NPAS2: variants seen among roughly 807,000 people sequenced by gnomAD.
NPAS2 encodes neuronal PAS domain-containing protein 2.
In NPAS2, 23 loss-of-function variants were observed where a neutral mutation model predicts 107.5. The observed-to-expected ratio is 0.21, with a 90% CI of 0.15 to 0.30. The LOEUF is 0.30. NPAS2 is among the 10% of genes least tolerant of loss of function. The probability of loss-of-function intolerance (pLI) is 1.00; values close to 1 mark genes in which losing one functional copy is unlikely to be tolerated. For synonymous variants in NPAS2, 403 were observed against 417.5 expected (o/e 0.97, Z 0.42); for missense variants, 756 against 1,043.3 (o/e 0.72, Z 3.79).
At chr2:100,954,117 G>C (rs1364864959) in intron 7 of NPAS2, among the ~76,000 whole-genome samples, 1 of 152,202 alleles carries the variant, frequency 6.6e-6, no homozygotes, top group African/African-American at 2.4e-5. Flanking sequence ...AATAAGTGTA[G>C]TGGGATCTGG....
intron 1 of NPAS2, among the ~76,000 whole-genome samples, chr2:100,873,201 A>C (rs918381112): frequency 7.0e-6 from 1 of 142,376 alleles, no homozygotes; most frequent in Non-Finnish European, 1.5e-5. Context: ...GCAGCGAGCC[A>C]AGACTGTGCC....
At chr2:100,878,324 G>GCT (rs1359867839) in intron 1 of NPAS2, 1 of 985,348 alleles carries the variant, frequency 1.0e-6, no homozygotes, top group East Asian at 1.1e-4. Flanking sequence ...CTAAGCAAGG[G>GCT]CTCTGCAGGC....
chr2:100,841,833 CAT>C (rs1377039852), intron 1 of NPAS2, among the ~76,000 whole-genome samples: 4 of 152,164 alleles, frequency 2.6e-5, no homozygotes, highest in Non-Finnish European at 5.9e-5. Flanking sequence ...AAGACACATA[CAT>C]ATGCACATAC....
chr2:100,915,873 A>T (rs1455982692), intron 2 of NPAS2, among the ~76,000 whole-genome samples: 1 of 152,200 alleles, frequency 6.6e-6, no homozygotes, highest in East Asian at 1.9e-4. Flanking sequence ...AATGGTAAAT[A>T]TTTGACAAAA....
At chr2:100,882,014 G>T (rs1366759599) in intron 1 of NPAS2, among the ~76,000 whole-genome samples, 3 of 152,248 alleles carry the variant, frequency 2.0e-5, no homozygotes, top group Non-Finnish European at 4.4e-5. Flanking sequence ...GAGACCCCGT[G>T]CCTCAGCTTG....
chr2:100,820,914 C>T lies in NPAS2; in HGVS notation c.-23+500C>T, dbSNP rs1676031505. 1.6e-6 allele frequency: 1 copy of T among 620,298 alleles called. No homozygotes were observed. The allele number at this position is 620,298 out of a possible 1,614,324, so 38.4% of individuals were successfully genotyped here. On this transcript the variant is annotated intron_variant, in intron 1 of 20. Transcript: ENST00000335681. This position sits in a 1 kb window ranked among gnomAD's most constrained non-coding sequence, Gnocchi z 5.6. Reference sequence around the variant, plus strand: ...CCCTGGGTCGGAATTGGTTCCGGGCCGGATTGGGTGCGGAATCGGTGCCCC... The same window carrying T: ...CCCTGGGTCGGAATTGGTTCCGGGCTGGATTGGGTGCGGAATCGGTGCCCC...
At chr2:100,876,899 C>G (rs1028303269) in intron 1 of NPAS2, among the ~76,000 whole-genome samples, 2 of 152,198 alleles carry the variant, frequency 1.3e-5, no homozygotes, top group Admixed American at 6.5e-5. Flanking sequence ...ACAAGAGCTG[C>G]AGCCACCAGG....
chr2:100,995,566 A>C lies in NPAS2; in HGVS notation c.2459A>C (p.Gln820Pro). The C allele has an allele frequency of 6.2e-7, 1 of 1,606,666 alleles. No individual in the cohort carries two copies. The highest frequency in any genetic ancestry group is 8.5e-7 in the Non-Finnish European group (1 of 1,176,126). ...VSSLSESSGL[Q>P]QPPR ...AGTCTGTCTGAGTCGTCAGGCCTCC[A>C]GCAGCCGCCCCGATAATGCCCCGGC... Residue 820 changes from glutamine to proline, a missense_variant, in exon 21 of 21, where the codon CAG becomes CCG. Physicochemically the swap from Gln to Pro is moderately conservative, Grantham distance 76. Transcript: ENST00000335681.
At chr2:100,842,163 A>G (rs143148684) in intron 1 of NPAS2, among the ~76,000 whole-genome samples, 26 of 152,252 alleles carry the variant, frequency 1.7e-4, no homozygotes, top group African/African-American at 3.6e-4. Context: ...AGGTATTTAC[A>G]TGTCCAAAGG....
chr2:100,875,563 C>T (rs567501546), intron 1 of NPAS2, among the ~76,000 whole-genome samples: 48 of 152,220 alleles, frequency 3.2e-4, no homozygotes, highest in African/African-American at 1.1e-3. Flanking sequence ...ATGAGACAGT[C>T]GCTTTCCTTA....
chr2:100,934,864 A>T, intron 4 of NPAS2: 1 of 985,316 alleles, frequency 1.0e-6, no homozygotes, highest in Non-Finnish European at 1.2e-6. Flanking sequence ...TTTCAGAGCC[A>T]TTTCAGAGAC....
At chr2:100,834,723 ACT>A (rs1429759341) in intron 1 of NPAS2, among the ~76,000 whole-genome samples, 5 of 149,970 alleles carry the variant, frequency 3.3e-5, no homozygotes, top group Non-Finnish European at 5.9e-5. Context: ...ATGGAGTCTC[ACT>A]CTGTTGCCCA....
intron 1 of NPAS2, among the ~76,000 whole-genome samples, chr2:100,836,260 G>A (rs758881814): frequency 5.3e-5 from 8 of 152,046 alleles, no homozygotes; most frequent in Non-Finnish European, 1.2e-4. Flanking sequence ...TTGCCCTAGC[G>A]ACCTCACTTC....
In NPAS2 at chr2:100,874,667, G is replaced by A. The variant is rs763293166; in HGVS notation, c.-22-30066G>A. On this transcript the variant is annotated intron_variant, in intron 1 of 20. Coordinates refer to ENST00000335681, the MANE Select transcript of NPAS2 (RefSeq NM_002518.4). ...TGGGGCAGGAGAACCACTTGAACCC[G>A]GGAGGCGGAGGTTGCAGTGAGCTGA... 1.1e-4 allele frequency among the ~76,000 whole-genome samples: 17 copies of A among 152,144 alleles called. 1 individual carries two copies. The highest frequency in any genetic ancestry group is 4.6e-4 in the Admixed American group (7 of 15,290).
At position 100,820,868 on chromosome 2, in the gene NPAS2, G is replaced by A. The variant is rs1676029404; in HGVS notation, c.-23+454G>A. Among the ~76,000 whole-genome samples, 1 of 152,200 alleles carries A rather than the reference G, an allele frequency of 6.6e-6. No homozygotes were observed. The highest frequency in any genetic ancestry group is 1.5e-5 in the Non-Finnish European group (1 of 68,030). On this transcript the variant is annotated intron_variant, in intron 1 of 20. Transcript: ENST00000335681. This position sits in a 1 kb window ranked among gnomAD's most constrained non-coding sequence, Gnocchi z 5.6. Reference sequence around the variant, plus strand: ...CCGGAGAGTGCGGCGTGCGCGCCCTGGGCCCGCGGTCTCTCGGAGTCCCTG... The same window carrying A: ...CCGGAGAGTGCGGCGTGCGCGCCCTAGGCCCGCGGTCTCTCGGAGTCCCTG...
At chr2:100,881,057 C>T (rs1277558762) in intron 1 of NPAS2, among the ~76,000 whole-genome samples, 3 of 152,214 alleles carry the variant, frequency 2.0e-5, no homozygotes, top group African/African-American at 7.2e-5. Flanking sequence ...AAGAAAGCCA[C>T]ACTTGGGCCC....
intron 2 of NPAS2, among the ~76,000 whole-genome samples, chr2:100,921,428 G>C (rs1683218006): frequency 6.6e-6 from 1 of 152,192 alleles, no homozygotes; most frequent in South Asian, 2.1e-4. Flanking sequence ...GATGCCCGAT[G>C]ATGGACGCTT....
chr2:100,958,274 G>C (rs968648601), intron 7 of NPAS2, among the ~76,000 whole-genome samples: 2 of 152,194 alleles, frequency 1.3e-5, no homozygotes, highest in Non-Finnish European at 2.9e-5. Context: ...ACTCGATTTT[G>C]TATGTTCCGT....
Position 100,995,493 on chromosome 2 carries a change from C to A in NPAS2, c.2386C>A (p.Pro796Thr). 2 of 1,613,252 alleles carry A rather than the reference C, an allele frequency of 1.2e-6. No homozygotes were observed. The highest frequency in any genetic ancestry group is 1.7e-6 in the Non-Finnish European group (2 of 1,179,444). ...QQPGTLGYPQ[P>T]PPAQPQPLRP... is the part of the protein sequence containing the mutation. ...GCCAGGGACCCTGGGCTACCCCCAACCACCCCCAGCACAGCCCCAGCCCCT... is the reference window on the plus strand; with the variant it reads ...GCCAGGGACCCTGGGCTACCCCCAAACACCCCCAGCACAGCCCCAGCCCCT... Residue 796 changes from proline (P) to threonine (T), a missense_variant, in exon 21 of 21, where the codon CCA (proline) becomes ACA (threonine). This residue lies in a region of NPAS2 where 496 missense variants were observed against 594.4 expected (regional missense o/e 0.83). Coordinates refer to ENST00000335681, the MANE Select transcript of NPAS2 (RefSeq NM_002518.4).
Sources: gnomAD v4.1 joint callset for allele counts (sites outside exome capture counted in the v4.1 genomes callset) on GRCh38, gnomAD v4.1.1 for gene constraint, gnomAD v4.1.1 regional missense constraint, Gnocchi (gnomAD v3.1) non-coding constraint, MANE v1.5 for transcripts, NCBI Gene and HGNC (gene_info 2026-07-23, HGNC 2026-07-21) for gene names.